The following SGK3 variants were observed in gnomAD, a reference collection of about 807,000 sequenced individuals.
SGK3 encodes the protein serum/glucocorticoid regulated kinase family member 3, also known as serine/threonine-protein kinase Sgk3.
In SGK3, 47 loss-of-function variants were observed where a neutral mutation model predicts 68.5. The observed-to-expected ratio is 0.69, with a 90% CI of 0.54 to 0.87. SGK3 has a LOEUF of 0.87. Ranked by LOEUF, SGK3 falls within the 40% of genes least tolerant of loss-of-function variation. SGK3 has a pLI of 0.00. For synonymous variants in SGK3, 181 were observed against 189.1 expected (o/e 0.96, Z 0.35); for missense variants, 479 against 575.5 (o/e 0.83, Z 1.72).
At chr8:66,785,291 C>T (rs1663099094) in intron 1 of SGK3, among the ~76,000 whole-genome samples, 1 of 152,194 alleles carries the variant, frequency 6.6e-6, no homozygotes, top group South Asian at 2.1e-4. Context: ...CACCCACAGC[C>T]ACGTGACCAT....
chr8:66,850,679 T>TA, intron 15 of SGK3, 152 bp from the exon 16 acceptor site: 1 of 705,142 alleles, frequency 1.4e-6, no homozygotes, highest in South Asian at 2.0e-5. Flanking sequence ...CTTACATGAA[T>TA]AACATCATTT....
At chr8:66,779,600 AT>A (rs61597494) in intron 1 of SGK3, among the ~76,000 whole-genome samples, 4,526 of 117,484 alleles carry the variant, frequency 0.039, 111 homozygotes, top group African/African-American at 0.074. Context: ...ATATATATAT[AT>A]AAAACACATT....
At chr8:66,767,351 T>C (rs762180660) in intron 1 of SGK3, 5 of 1,052,342 alleles carry the variant, frequency 4.8e-6, no homozygotes, top group Non-Finnish European at 7.3e-6. Context: ...AAACAAATAA[T>C]GCTTTATTAA....
chr8:66,716,652 A>T (rs1057300964), intron 1 of SGK3, among the ~76,000 whole-genome samples: 1 of 152,030 alleles, frequency 6.6e-6, no homozygotes, highest in African/African-American at 2.4e-5. Flanking sequence ...CGGAAAATGG[A>T]GATGTGTGTG....
intron 1 of SGK3, among the ~76,000 whole-genome samples, chr8:66,749,932 G>GGTGTGTGTGTGT (rs139702561): frequency 3.8e-4 from 55 of 144,922 alleles, no homozygotes; most frequent in African/African-American, 8.1e-4. Flanking sequence ...TAGTTTCTAG[G>GGTGTGTGTGTGT]GTGTGTGTGT....
chr8:66,795,321 G>A (rs554394561), intron 2 of SGK3, among the ~76,000 whole-genome samples: 7 of 152,288 alleles, frequency 4.6e-5, no homozygotes, highest in South Asian at 2.1e-4. Flanking sequence ...TGCAATGTGC[G>A]TCTGACCATT....
chr8:66,736,196 T>C (rs770732573), intron 1 of SGK3, among the ~76,000 whole-genome samples: 1 of 152,208 alleles, frequency 6.6e-6, no homozygotes, highest in Non-Finnish European at 1.5e-5. Context: ...AGGATTGTTA[T>C]TAAGCTTAGA....
chr8:66,805,397 T>C (rs1373671832), intron 4 of SGK3, among the ~76,000 whole-genome samples: 1 of 151,734 alleles, frequency 6.6e-6, no homozygotes, highest in Non-Finnish European at 1.5e-5. Flanking sequence ...TGGGCGCCTG[T>C]AGTCCCAGCT....
chr8:66,823,025 T>C (rs1237315674), intron 6 of SGK3, among the ~76,000 whole-genome samples: 3 of 152,170 alleles, frequency 2.0e-5, no homozygotes, highest in Non-Finnish European at 4.4e-5. Flanking sequence ...AGAAAAGTAT[T>C]ATCCATATTA....
At chr8:66,782,573 C>T (rs1161864193) in intron 1 of SGK3, among the ~76,000 whole-genome samples, 2 of 152,142 alleles carry the variant, frequency 1.3e-5, no homozygotes, top group African/African-American at 4.8e-5. Flanking sequence ...TGACATGTGT[C>T]CATCATTATA....
At chr8:66,799,974 T>C (rs1807863310) in intron 3 of SGK3, among the ~76,000 whole-genome samples, 1 of 152,052 alleles carries the variant, frequency 6.6e-6, no homozygotes, top group Admixed American at 6.6e-5. Context: ...TAAATAGGGA[T>C]CTCCCAGTGT....
intron 1 of SGK3, among the ~76,000 whole-genome samples, chr8:66,769,398 A>G (rs1404982321): frequency 6.6e-6 from 1 of 152,058 alleles, no homozygotes; most frequent in East Asian, 1.9e-4. Flanking sequence ...TAATTTTTGT[A>G]TTTTTGGTAG....
At chr8:66,850,079 C>T (rs374095581) in intron 15 of SGK3, among the ~76,000 whole-genome samples, 2 of 152,122 alleles carry the variant, frequency 1.3e-5, no homozygotes, top group East Asian at 3.9e-4. Context: ...GTGACAGTCC[C>T]ATCCCTCCCT....
At chr8:66,792,408 C>G (rs1184693194) in intron 1 of SGK3, among the ~76,000 whole-genome samples, 1 of 151,572 alleles carries the variant, frequency 6.6e-6, no homozygotes, top group African/African-American at 2.4e-5. Context: ...TGAATCATCT[C>G]AAAGGAAGCA....
chr8:66,849,643 T>C (rs1810181372), intron 15 of SGK3, among the ~76,000 whole-genome samples: 1 of 150,788 alleles, frequency 6.6e-6, no homozygotes, highest in African/African-American at 2.4e-5. Flanking sequence ...TCACCGATGC[T>C]GGAGTGCAGT....
intron 7 of SGK3, among the ~76,000 whole-genome samples, chr8:66,829,867 ATTT>A (rs10689856): frequency 2.2e-5 from 3 of 137,760 alleles, no homozygotes; most frequent in Non-Finnish European, 1.6e-5. Context: ...CAAAAAATGG[ATTT>A]TTTTTTTTTT....
chr8:66,720,781 T>TATATATATA (rs1554590873), intron 1 of SGK3, among the ~76,000 whole-genome samples: 20 of 146,246 alleles, frequency 1.4e-4, no homozygotes, highest in African/African-American at 5.0e-4. Flanking sequence ...AAAAAAAAAA[T>TATATATATA]TATATATATA....
intron 3 of SGK3, among the ~76,000 whole-genome samples, chr8:66,799,028 A>T (rs1315962380): frequency 6.6e-6 from 1 of 152,066 alleles, no homozygotes; most frequent in Admixed American, 6.6e-5. Flanking sequence ...ATTCTTAGAG[A>T]TATGTCTTAG....
rs745682646 is a variant in SGK3, at chr8:66,859,587, T to C, written c.*6T>C. On this transcript the variant is annotated 3_prime_UTR_variant, in exon 17 of 17. Coordinates refer to ENST00000521198, the MANE Select transcript of SGK3 (RefSeq NM_001033578.3). ...CAGAAGACTTATTTTTGTGAGCAGT[T>C]TGCCATTCAGAAACCATTGAGCAAA... 6 of 1,605,594 alleles carry C rather than the reference T, an allele frequency of 3.7e-6. No homozygotes were observed. The highest frequency in any genetic ancestry group is 3.3e-5 in the Admixed American group (2 of 59,858).
Sources: gnomAD v4.1 joint callset for allele counts (sites outside exome capture counted in the v4.1 genomes callset) on GRCh38, gnomAD v4.1.1 for gene constraint, MANE v1.5 for transcripts, NCBI Gene and HGNC (gene_info 2026-07-23, HGNC 2026-07-21) for gene names.